Variants in ZNF888 observed in about 807,000 individuals in gnomAD.
ZNF888 encodes CTD-2331H12.6.
In ZNF888, 5 loss-of-function variants were observed where a neutral mutation model predicts 7.2. The ratio of observed to expected loss-of-function variants is 0.70; its 90% confidence interval spans 0.36 to 1.46. ZNF888 has a LOEUF of 1.46. ZNF888 is among the 40% of genes most tolerant of loss of function. The pLI is 0.03. For missense variants in ZNF888, 716 were observed against 858.0 expected (o/e 0.83, Z 2.07); for synonymous variants, 240 against 284.3 (o/e 0.84, Z 1.57).
chr19:52,922,846 G>A (rs1480847413), intron 1 of ZNF888, among the ~76,000 whole-genome samples: 1 of 152,150 alleles, frequency 6.6e-6, no homozygotes, highest in African/African-American at 2.4e-5. Flanking sequence ...CCCAACGCGG[G>A]CTCAGGGAAA....
chr19:52,907,873 A>G lies in ZNF888; in HGVS notation c.449T>C (p.Leu150Pro). The G allele has an allele frequency of 7.4e-6, 12 of 1,614,168 alleles. No homozygotes were observed. The highest frequency in any genetic ancestry group is 1.0e-5 in the Non-Finnish European group (12 of 1,180,028). The change falls in exon 5 of 5, where the codon CTG becomes CCG. Residue 150 changes from leucine (L) to proline (P), a missense_variant. By Grantham distance (98) the Leu-to-Pro change is moderately conservative. Coordinates refer to ENST00000638862, the MANE Select transcript of ZNF888 (RefSeq NM_001393938.1). ...TTTCCCTTCGGGCTGAAATATGTGC[A>G]GTTCAGGCAGATGTGAATGAAAGCT... ...GSSFHSHLPE[L>P]HIFQPEGKIG...
At position 52,907,573 on chromosome 19, in the gene ZNF888, T is replaced by C. The variant is rs1390124329; in HGVS notation, c.749A>G (p.Asp250Gly). 1 of 1,609,304 alleles carries C rather than the reference T, an allele frequency of 6.2e-7. No individual in the cohort carries two copies. Among genetic ancestry groups the C allele is most frequent in the African/African-American group, 1.3e-5 (1 of 74,756 alleles). ...KQYKCDVCGK[D>G]FNQKRYLAHH... ...TGCAAGGTATCGCTTCTGATTAAAG[T>C]CTTTGCCACATACATCACATTTATA... Residue 250 changes from aspartate (D) to glycine (G), a missense_variant, in exon 5 of 5, where the codon GAC (aspartate) becomes GGC (glycine). Physicochemically the swap from Asp to Gly is moderately conservative, Grantham distance 94. Around this residue, in one of 2 missense-constraint regions of ZNF888, gnomAD observed 697 missense variants for 803.4 expected, o/e 0.87. Transcript: ENST00000638862.
Position 52,919,198 on chromosome 19 carries a change from C to T in ZNF888, c.-177-261G>A, listed in dbSNP as rs1290931711. ...CGCTCTCCCTCTCCCTCTCCCTCCA[C>T]GGTCTCCCTCTGATGCCGAGCCAAG... On this transcript the variant is annotated intron_variant, in intron 1 of 4. Coordinates refer to ENST00000638862, the MANE Select transcript of ZNF888 (RefSeq NM_001393938.1). 1.2e-4 allele frequency among the ~76,000 whole-genome samples: 3 copies of T among 25,994 alleles called. 1 individual carries two copies. The highest frequency in any genetic ancestry group is 2.6e-4 in the Non-Finnish European group (3 of 11,630). 17.1% of individuals were successfully genotyped at this position (25,994 alleles called of 152,430 possible). A position where few individuals can be genotyped will look rare whatever the true frequency, so the allele number is the denominator to read the frequency against.
In ZNF888 at chr19:52,917,764, C is replaced by T. The variant is rs1387586203; in HGVS notation, c.15+95G>A. 5.6e-6 allele frequency: 9 copies of T among 1,593,470 alleles called. No individual in the cohort carries two copies. In the Admixed American group the frequency reaches 1.2e-4, roughly 21 times the overall value. On this transcript the variant is annotated intron_variant, in intron 3 of 4. Coordinates refer to ENST00000638862, the MANE Select transcript of ZNF888 (RefSeq NM_001393938.1). ...GGTGAGTGTGAGCAAACCTGTCACGCAGGATGCTTCAGACTCAGAGAAGTT... is the reference window on the plus strand; with the variant it reads ...GGTGAGTGTGAGCAAACCTGTCACGTAGGATGCTTCAGACTCAGAGAAGTT...
At position 52,908,026 on chromosome 19, in the gene ZNF888, T is replaced by C; in HGVS notation, c.296A>G (p.Gln99Arg). The change falls in exon 5 of 5, where the codon CAG (glutamine) becomes CGG (arginine). Residue 99 changes from glutamine (Q) to arginine (R), a missense_variant. Gln to Arg is a conservative substitution (Grantham distance 43). Around this residue, in one of 2 missense-constraint regions of ZNF888, gnomAD observed 697 missense variants for 803.4 expected, o/e 0.87. Transcript: ENST00000638862. ...IEKDIHDFVF[Q>R]WQEDETNGHE... ...GCCATTTGTTTCATCTTCTTGCCAC[T>C]GAAACACAAAGTCATGAATGTCTTT... is the stretch of plus-strand genomic sequence containing the variant. 1 of 1,614,144 alleles carries C rather than the reference T, an allele frequency of 6.2e-7. No individual in the cohort carries two copies. Among genetic ancestry groups the C allele is most frequent in the Non-Finnish European group, 8.5e-7 (1 of 1,180,014 alleles).
chr19:52,912,338 C>T (rs546414722), intron 4 of ZNF888, among the ~76,000 whole-genome samples: 2 of 150,572 alleles, frequency 1.3e-5, no homozygotes, highest in African/African-American at 2.4e-5. Context: ...TGGCCTCTAT[C>T]TCCTGACCTC....
At position 52,912,830 on chromosome 19, in the gene ZNF888, G is replaced by A. The variant is rs1320584367; in HGVS notation, c.142+2366C>T. 3.3e-5 allele frequency among the ~76,000 whole-genome samples: 5 copies of A among 152,068 alleles called. No individual in the cohort carries two copies. The East Asian group carries it at 5.8e-4, about 18-fold the overall frequency. ...AGGTAAATTAAAAAACAGATAGGCC[G>A]GACATGGTGACTCATGCCTGTAATC... On this transcript the variant is annotated intron_variant, in intron 4 of 4. Transcript: ENST00000638862.
intron 3 of ZNF888, among the ~76,000 whole-genome samples, chr19:52,915,594 C>A (rs1048145056): frequency 6.6e-6 from 1 of 152,084 alleles, no homozygotes; most frequent in African/African-American, 2.4e-5. Context: ...CCTCCCTCAG[C>A]CTCCCAAGTA....
chr19:52,916,643 G>T (rs76538250), intron 3 of ZNF888, among the ~76,000 whole-genome samples: 9,582 of 87,472 alleles, frequency 0.11, 1,163 homozygotes, highest in African/African-American at 0.33. Flanking sequence ...TATATATATA[G>T]GTTTTAAATA....
In ZNF888 at chr19:52,920,938, T is replaced by TTA. The variant is rs767955859; in HGVS notation, c.-177-2002_-177-2001insTA. On this transcript the variant is annotated intron_variant, in intron 1 of 4. Transcript: ENST00000638862. ...GCTCAGAATAAATCTCTTCAAATAT[T>TTA]AAAAAAAAAAAAAAAAAAAAAAAAA... is the stretch of plus-strand genomic sequence containing the variant. 6.1e-4 allele frequency among the ~76,000 whole-genome samples: 4 copies of TTA among 6,530 alleles called. 1 individual carries two copies. Among genetic ancestry groups the TTA allele is most frequent in the South Asian group, 0.026 (2 of 78 alleles). The allele number at this position is 6,530 out of a possible 152,430, so 4.3% of individuals were successfully genotyped here.
At chr19:52,922,685 T>G (rs948819850) in intron 1 of ZNF888, among the ~76,000 whole-genome samples, 2 of 152,200 alleles carry the variant, frequency 1.3e-5, no homozygotes, top group Admixed American at 6.5e-5. Flanking sequence ...TGCTCTCTGA[T>G]TCCCTCTCTC....
At chr19:52,908,856 A>AAC (rs1007736440) in intron 4 of ZNF888, among the ~76,000 whole-genome samples, 2 of 151,252 alleles carry the variant, frequency 1.3e-5, no homozygotes, top group African/African-American at 4.9e-5. Context: ...AAAAAAAAAA[A>AAC]AAAAAAAAGG....
chr19:52,917,768 A>G, intron 3 of ZNF888, 91 bp downstream of exon 3: 1 of 1,595,702 alleles, frequency 6.3e-7, no homozygotes, highest in Non-Finnish European at 8.6e-7. Flanking sequence ...GTCACGCAGG[A>G]TGCTTCAGAC....
chr19:52,916,492 A>G (rs6509704), intron 3 of ZNF888, among the ~76,000 whole-genome samples: 133,949 of 151,324 alleles, frequency 0.89, 59,560 homozygotes, highest in African/African-American at 0.95. Context: ...GTGTACATAT[A>G]TATGTGTATG....
chr19:52,913,118 A>T (rs1303199517), intron 4 of ZNF888, among the ~76,000 whole-genome samples: 1 of 152,156 alleles, frequency 6.6e-6, no homozygotes, highest in Non-Finnish European at 1.5e-5. Context: ...ATAAACACAT[A>T]AATTAATTAA....
chr19:52,912,440 G>A (rs555277706), intron 4 of ZNF888, among the ~76,000 whole-genome samples: 12 of 150,608 alleles, frequency 8.0e-5, no homozygotes, highest in Middle Eastern at 3.4e-3. Flanking sequence ...AATACATTGA[G>A]ACAGGCCGGG....
Position 52,906,831 on chromosome 19 carries a change from C to T in ZNF888, c.1491G>A (p.Lys497=), listed in dbSNP as rs917679640. ...IHTGEKPYKC[K]VCDKAFRRDS... Reference sequence around the variant, plus strand: ...CACGTCTGAAAGCCTTGTCACAAACCTTACATTTGTATGGTTTCTCACCAG... The same window carrying T: ...CACGTCTGAAAGCCTTGTCACAAACTTTACATTTGTATGGTTTCTCACCAG... The change falls in exon 5 of 5, where the codon AAG becomes AAA. Residue 497 remains lysine (K), a synonymous_variant. Coordinates refer to ENST00000638862, the MANE Select transcript of ZNF888 (RefSeq NM_001393938.1). The T allele has an allele frequency of 1.1e-5, 18 of 1,612,512 alleles. No homozygotes were observed. The highest frequency in any genetic ancestry group is 5.5e-5 in the South Asian group (5 of 91,026).
chr19:52,908,537 C>T lies in ZNF888; in HGVS notation c.143-358G>A, dbSNP rs116308129. ...AGAAAATATATATTCTTCATATTTA[C>T]AGCATATTTACTGTATAGAAATAAA... On this transcript the variant is annotated intron_variant, in intron 4 of 4. Coordinates refer to ENST00000638862, the MANE Select transcript of ZNF888 (RefSeq NM_001393938.1). Among the ~76,000 whole-genome samples, 637 of 152,234 alleles carry T rather than the reference C, an allele frequency of 4.2e-3. 8 individuals are homozygous for T. Among genetic ancestry groups the T allele is most frequent in the African/African-American group, 0.015 (610 of 41,544 alleles).
At chr19:52,913,845 G>T in intron 4 of ZNF888, 1 of 666,284 alleles carries the variant, frequency 1.5e-6, no homozygotes. Context: ...AATAATAACG[G>T]TTGGGCATGG....
Sources: allele counts gnomAD v4.1 joint callset (sites outside exome capture counted in the v4.1 genomes callset), GRCh38; gene constraint gnomAD v4.1.1; regional missense constraint gnomAD v4.1.1; transcripts MANE v1.5; gene names NCBI Gene and HGNC (gene_info 2026-07-23, HGNC 2026-07-21).